Variants in GCA observed in about 807,000 individuals in gnomAD.
GCA encodes the protein grancalcin, EF-hand calcium-binding protein.
GCA carries 30 observed loss-of-function variants against 32.6 expected under a neutral mutation model. That is an observed-to-expected ratio of 0.92 (90% CI 0.69 to 1.25). The LOEUF (loss-of-function observed/expected upper bound fraction) is 1.25. GCA is among the 50% of genes most tolerant of loss of function. The pLI, the probability that GCA is intolerant of heterozygous loss-of-function variation, is 0.00. For synonymous variants in GCA, 102 were observed against 84.6 expected, an observed-to-expected ratio of 1.21 and a Z score of -1.13; for missense variants, 291 against 266.8, an observed-to-expected ratio of 1.09 and a Z score of -0.63.
At chr2:162,367,002 C>T (rs1685771952), downstream of GCA, among the ~76,000 whole-genome samples, 1 of 151,916 alleles carries the variant, frequency 6.6e-6, no homozygotes, top group Non-Finnish European at 1.5e-5. Context: ...TATGATGATG[C>T]ACAAATCACA....
At chr2:162,372,076 A>G, downstream of GCA, 3 of 1,611,926 alleles carry the variant, frequency 1.9e-6, no homozygotes, top group Non-Finnish European at 2.5e-6. Context: ...AGATTTTTCA[A>G]GGTCTAGAAA....
At chr2:162,352,938 T>G (rs530248059) in intron 3 of GCA, among the ~76,000 whole-genome samples, 1 of 152,300 alleles carries the variant, frequency 6.6e-6, no homozygotes, top group African/African-American at 2.4e-5. Flanking sequence ...TTTTCCTTTT[T>G]ATATAATGTT....
intron 1 of GCA, among the ~76,000 whole-genome samples, chr2:162,334,247 A>G (rs1473734217): frequency 6.6e-6 from 1 of 152,076 alleles, no homozygotes; most frequent in Non-Finnish European, 1.5e-5. Flanking sequence ...CAAAATTGTA[A>G]CTATGTACAA....
At chr2:162,371,482 G>C (rs1685944165) in exon 5 of GCA, 4 of 1,249,880 alleles carry the variant, frequency 3.2e-6, no homozygotes, top group Non-Finnish European at 2.1e-6. Flanking sequence ...TGCGTGGAAG[G>C]CATTTTCATA....
Position 162,324,595 on chromosome 2 carries a change from G to A in GCA, c.-31+5370G>A, listed in dbSNP as rs556549147. Reference sequence around the variant, plus strand: ...GGTCTTGGAGGTTTTTATAGGTACAGGATGGGGGCATGGCAGGCTACGGTG... The same window carrying A: ...GGTCTTGGAGGTTTTTATAGGTACAAGATGGGGGCATGGCAGGCTACGGTG... On this transcript the variant is annotated intron_variant, in intron 1 of 4. Coordinates refer to the GCA transcript ENST00000429691. Among the ~76,000 whole-genome samples, 10 of 152,290 alleles carry A rather than the reference G, an allele frequency of 6.6e-5. No individual in the cohort carries two copies. The South Asian group carries it at 1.5e-3, about 22-fold the overall frequency.
At chr2:162,371,805 T>C, downstream of GCA, 1 of 1,590,756 alleles carries the variant, frequency 6.3e-7, no homozygotes, top group African/African-American at 1.3e-5. Flanking sequence ...TTACATTGTA[T>C]GTGGAGTAAA....
chr2:162,331,731 A>G (rs1196279167), intron 1 of GCA, among the ~76,000 whole-genome samples: 1 of 152,186 alleles, frequency 6.6e-6, no homozygotes, highest in African/African-American at 2.4e-5. Context: ...TATATTACCC[A>G]GTCTCAGGTA....
intron 1 of GCA, among the ~76,000 whole-genome samples, chr2:162,330,483 T>C (rs1684037879): frequency 6.6e-6 from 1 of 152,250 alleles, no homozygotes; most frequent in African/African-American, 2.4e-5. Context: ...TTGTTTTATG[T>C]ACCTGAATAC....
intron 1 of GCA, among the ~76,000 whole-genome samples, chr2:162,330,218 T>A (rs1684028100): frequency 6.6e-6 from 1 of 152,182 alleles, no homozygotes; most frequent in Admixed American, 6.5e-5. Context: ...TCAAATGGTA[T>A]TTCTGTCTTT....
chr2:162,360,839 T>A lies in GCA; in HGVS notation c.*596T>A. 2 of 1,195,202 alleles carry A rather than the reference T, an allele frequency of 1.7e-6. No individual in the cohort carries two copies. The highest frequency in any genetic ancestry group is 2.1e-6 in the Non-Finnish European group (2 of 946,214). 74.0% of individuals were successfully genotyped at this position (1,195,202 alleles called of 1,614,324 possible). ...ATAAGACTACAGAAGGCATTGTTTTTTCCTTTTTTATTTTTTGTATTATAT... is the reference window on the plus strand; with the variant it reads ...ATAAGACTACAGAAGGCATTGTTTTATCCTTTTTTATTTTTTGTATTATAT... On this transcript the variant is annotated 3_prime_UTR_variant, in exon 8 of 8. Coordinates refer to ENST00000437150, the MANE Select transcript of GCA (RefSeq NM_012198.5).
downstream of GCA, among the ~76,000 whole-genome samples, chr2:162,364,485 A>G (rs988826591): frequency 2.0e-5 from 3 of 151,310 alleles, no homozygotes; most frequent in Non-Finnish European, 4.4e-5. Context: ...TTAGATTCTC[A>G]TTTTCTGATC....
At chr2:162,358,740 T>TA (rs1685409857) in intron 5 of GCA, among the ~76,000 whole-genome samples, 1 of 151,376 alleles carries the variant, frequency 6.6e-6, no homozygotes, top group African/African-American at 2.4e-5. Flanking sequence ...ATTGAAGCAT[T>TA]AAAACCCATG....
intron 1 of GCA, among the ~76,000 whole-genome samples, chr2:162,328,078 C>T (rs912695967): frequency 4.6e-5 from 7 of 152,028 alleles, no homozygotes; most frequent in South Asian, 2.1e-4. Context: ...TGGCCAAGGC[C>T]GGAGCTGTCT....
Position 162,352,400 on chromosome 2 carries a change from T to TTAC in GCA, c.257_259dup (p.Tyr86dup). On this transcript the variant is annotated inframe_insertion, in exon 3 of 8. Transcript: ENST00000437150. ...TGACACAGTCTGGAATTAATGGAACTTACTCTCGTGAGATCTTTTTTCCCC... is the reference window on the plus strand; with the variant it reads ...TGACACAGTCTGGAATTAATGGAACTTACTACTCTCGTGAGATCTTTTTTCCCC... 6.4e-7 allele frequency: 1 copy of TTAC among 1,556,952 alleles called. No individual in the cohort carries two copies. Among genetic ancestry groups the TTAC allele is most frequent in the Non-Finnish European group, 8.9e-7 (1 of 1,128,314 alleles).
downstream of GCA, chr2:162,373,546 G>A (rs1319348402): frequency 1.3e-6 from 2 of 1,590,616 alleles, no homozygotes; most frequent in East Asian, 2.3e-5. Flanking sequence ...CTGGATGATG[G>A]GTCTCTGATA....
chr2:162,325,029 T>C (rs1683827028), intron 1 of GCA, among the ~76,000 whole-genome samples: 1 of 151,928 alleles, frequency 6.6e-6, no homozygotes, highest in Admixed American at 6.6e-5. Context: ...AGGTTAAGTA[T>C]GCATGGGTTA....
intron 4 of GCA, 23 bp from the exon 5 acceptor site, chr2:162,356,735 A>G (rs377488107): frequency 1.3e-6 from 2 of 1,565,914 alleles, no homozygotes; most frequent in Admixed American, 1.7e-5. Flanking sequence ...ATCAGAATTT[A>G]TTTTTGTTAA....
chr2:162,346,253 T>A (rs1684702436), intron 1 of GCA, among the ~76,000 whole-genome samples: 1 of 152,180 alleles, frequency 6.6e-6, no homozygotes, highest in Non-Finnish European at 1.5e-5. Flanking sequence ...CTTAAACAGA[T>A]TAGATTTTCA....
upstream of GCA, among the ~76,000 whole-genome samples, chr2:162,343,582 A>G (rs1684518907): frequency 6.6e-6 from 1 of 152,240 alleles, no homozygotes; most frequent in Non-Finnish European, 1.5e-5. Context: ...AACAGAATCA[A>G]TAACCTGTTC....
Sources: gnomAD v4.1 joint callset for allele counts (sites outside exome capture counted in the v4.1 genomes callset) on GRCh38, gnomAD v4.1.1 for gene constraint, MANE v1.5 for transcripts, NCBI Gene and HGNC (gene_info 2026-07-23, HGNC 2026-07-21) for gene names.